The following ZPBP variants were observed in gnomAD, a reference collection of about 807,000 sequenced individuals.
The protein encoded by ZPBP is zona pellucida binding protein.
In ZPBP, 26 loss-of-function variants were observed where a neutral mutation model predicts 44.8. The ratio of observed to expected loss-of-function variants is 0.58; its 90% CI spans 0.43 to 0.81. The LOEUF (loss-of-function observed/expected upper bound fraction) is 0.81. Among genes scored for constraint, ZPBP ranks in the 30% least tolerant of loss-of-function variants. The pLI is 0.00. For missense variants in ZPBP, 409 were observed against 434.0 expected (o/e 0.94, Z 0.51); for synonymous variants, 174 against 153.2 (o/e 1.14, Z -1.00).
intron 3 of ZPBP, among the ~76,000 whole-genome samples, chr7:50,071,151 C>A (rs541877423): frequency 6.6e-6 from 1 of 152,182 alleles, no homozygotes; most frequent in African/African-American, 2.4e-5. Flanking sequence ...CCACCACCAA[C>A]CCCATGCCCC....
rs186224896 is a variant in ZPBP, at chr7:49,855,098, G to A, written n.510-4584C>T. Among the ~76,000 whole-genome samples, 5 of 152,288 alleles carry A rather than the reference G, an allele frequency of 3.3e-5. No homozygotes were observed. The East Asian group carries it at 9.6e-4, about 29-fold the overall frequency. Reference sequence around the variant, plus strand: ...AATAAATATTTTCCTTGGTACAGCTGTGAAGATAGAAATAAATGAGATTGT... The same window carrying A: ...AATAAATATTTTCCTTGGTACAGCTATGAAGATAGAAATAAATGAGATTGT... On this transcript the variant is annotated intron_variant and non_coding_transcript_variant, in intron 2 of 2. Transcript: ENST00000465922.
chr7:50,084,407 A>C (rs7785480), intron 2 of ZPBP, among the ~76,000 whole-genome samples: 18 of 151,928 alleles, frequency 1.2e-4, no homozygotes, highest in East Asian at 5.8e-4. Flanking sequence ...AACAGAATAA[A>C]CTAAAAGTTC....
intron 2 of ZPBP, among the ~76,000 whole-genome samples, chr7:49,891,597 C>A (rs1475438556): frequency 1.3e-5 from 2 of 152,024 alleles, no homozygotes; most frequent in Non-Finnish European, 2.9e-5. Context: ...CCGCCAGGGT[C>A]GATAAAATAT....
intron 3 of ZPBP, among the ~76,000 whole-genome samples, chr7:50,077,656 C>G (rs368463321): frequency 6.6e-6 from 1 of 151,832 alleles, no homozygotes; most frequent in Non-Finnish European, 1.5e-5. Context: ...CTCAACATCA[C>G]TAATCGTCAA....
intron 1 of ZPBP, among the ~76,000 whole-genome samples, chr7:49,911,755 G>A (rs1346805131): frequency 2.0e-5 from 3 of 151,628 alleles, no homozygotes; most frequent in African/African-American, 7.3e-5. Context: ...AAACTAGCTG[G>A]GTATAGTGGC....
At chr7:50,040,714 C>A (rs564772321) in intron 4 of ZPBP, among the ~76,000 whole-genome samples, 1 of 152,178 alleles carries the variant, frequency 6.6e-6, no homozygotes, top group Non-Finnish European at 1.5e-5. Context: ...GAGTTTCAAG[C>A]CCAAAACTTG....
At chr7:50,032,036 T>C (rs2128812332) in intron 4 of ZPBP, among the ~76,000 whole-genome samples, 1 of 152,298 alleles carries the variant, frequency 6.6e-6, no homozygotes, top group South Asian at 2.1e-4. Flanking sequence ...AAAAGCTTCC[T>C]GCACACACTG....
rs569006821 is a variant in ZPBP, at chr7:49,952,828, G to A, written c.962-15206C>T. Among the ~76,000 whole-genome samples, 6 of 151,954 alleles carry A rather than the reference G, an allele frequency of 3.9e-5. No individual in the cohort carries two copies. The East Asian group carries it at 5.8e-4, about 15-fold the overall frequency. On this transcript the variant is annotated intron_variant, in intron 7 of 7. Transcript: ENST00000046087. ...TGCAATCTGTAGAATCAATCTGCAC[G>A]TGTACCCCTGAATAAAAGTTAAAAA...
chr7:49,941,369 C>G (rs1418120317), intron 7 of ZPBP, among the ~76,000 whole-genome samples: 1 of 152,058 alleles, frequency 6.6e-6, no homozygotes, highest in Non-Finnish European at 1.5e-5. Flanking sequence ...TCACATTATT[C>G]ACAATGGCCA....
At chr7:50,021,704 C>A (rs1297697620) in intron 5 of ZPBP, among the ~76,000 whole-genome samples, 1 of 151,954 alleles carries the variant, frequency 6.6e-6, no homozygotes, top group Non-Finnish European at 1.5e-5. Flanking sequence ...CACACTGAGA[C>A]AAATTATAAT....
Position 50,032,735 on chromosome 7 carries a change from T to C in ZPBP, c.488-1425A>G, listed in dbSNP as rs549935496. The stretch of plus-strand genomic sequence containing the variant: ...TTCTGGGAGTCTGAGATTGTTGTAG[T>C]TGGTAGGCAAAAGTGCCTACAGAAC... On this transcript the variant is annotated intron_variant, in intron 4 of 7. Transcript: ENST00000046087. Among the ~76,000 whole-genome samples the C allele has an allele frequency of 1.2e-4, 19 of 152,356 alleles. No homozygotes were observed. In the South Asian group the frequency reaches 2.9e-3, roughly 23 times the overall value.
rs375460290 is a variant in ZPBP, at chr7:49,909,722, G to T, written n.412-8507C>A. ...TTGGAACTAAAATTTGGGAGTCATT[G>T]CCAGATGAATGATTGTTGGGTTCTC... is the stretch of plus-strand genomic sequence containing the variant. On this transcript the variant is annotated intron_variant and non_coding_transcript_variant, in intron 1 of 2. Transcript: ENST00000465922. Among the ~76,000 whole-genome samples, 461 of 152,320 alleles carry T rather than the reference G, an allele frequency of 3.0e-3. 28 individuals carry two copies. In the South Asian group the frequency reaches 0.091, roughly 30 times the overall value.
intron 6 of ZPBP, among the ~76,000 whole-genome samples, chr7:49,998,888 A>C (rs1797977333): frequency 6.6e-6 from 1 of 152,134 alleles, no homozygotes; most frequent in South Asian, 2.1e-4. Flanking sequence ...AGTGCACACC[A>C]CACACAAATG....
intron 2 of ZPBP, among the ~76,000 whole-genome samples, chr7:49,855,809 C>T (rs190740220): frequency 3.3e-5 from 5 of 152,272 alleles, no homozygotes; most frequent in South Asian, 2.1e-4. Context: ...AGCCAGGGGC[C>T]GGTGGCTGAC....
downstream of ZPBP, chr7:49,850,350 G>A (rs1790126785): frequency 6.6e-6 from 1 of 152,174 alleles, no homozygotes; most frequent in Admixed American, 6.5e-5. Context: ...TTCCATTGGT[G>A]AGTCCAAGAT....
rs1162569038 is a variant in ZPBP at position 50,065,248 on chromosome 7, C to T, written c.335-7107G>A. Among the ~76,000 whole-genome samples, 2 of 138,672 alleles carry T rather than the reference C, an allele frequency of 1.4e-5. 1 individual carries two copies. Among genetic ancestry groups the T allele is most frequent in the Non-Finnish European group, 3.2e-5 (2 of 62,240 alleles). The allele number at this position is 138,672 out of a possible 152,430, so 91.0% of individuals were successfully genotyped here. A position where few individuals can be genotyped will look rare whatever the true frequency, so the allele number is the denominator to read the frequency against. On this transcript the variant is annotated intron_variant, in intron 3 of 7. Transcript: ENST00000046087. ...GCTTGATTGTTTTTAACACACATGC[C>T]CTCATCCATTTAGCCAGCAGTTGCC...
At chr7:49,915,616 C>T (rs896522158) in intron 1 of ZPBP, 3 of 152,126 alleles carry the variant, frequency 2.0e-5, no homozygotes, top group Non-Finnish European at 4.4e-5. Flanking sequence ...AAAATATACA[C>T]TGTTTCAAAC....
rs1383728042 is a variant in ZPBP, at chr7:49,937,484, A to G, written c.*44T>C. The G allele has an allele frequency of 7.3e-7, 1 of 1,362,028 alleles. No homozygotes were observed. The allele number at this position is 1,362,028 out of a possible 1,614,324, so 84.4% of individuals were successfully genotyped here. A position where few individuals can be genotyped will look rare whatever the true frequency, so the allele number is the denominator to read the frequency against. Reference sequence around the variant, plus strand: ...TTTATTATGTTAATATTTCAAATATATACTTTGCATTTAATAAACCACTGA... The same window carrying G: ...TTTATTATGTTAATATTTCAAATATGTACTTTGCATTTAATAAACCACTGA... On this transcript the variant is annotated 3_prime_UTR_variant, in exon 8 of 8. Coordinates refer to ENST00000046087, the MANE Select transcript of ZPBP (RefSeq NM_007009.3).
rs1158059833 is a variant in ZPBP, at chr7:49,984,803, T to A, written c.784-1284A>T. 2.0e-5 allele frequency among the ~76,000 whole-genome samples: 3 copies of A among 152,198 alleles called. No homozygotes were observed. In the East Asian group the frequency reaches 5.8e-4, roughly 29 times the overall value. On this transcript the variant is annotated intron_variant, in intron 6 of 7. Coordinates refer to ENST00000046087, the MANE Select transcript of ZPBP (RefSeq NM_007009.3). ...ACATAAATAAATTTTCTATTTAGATTTGGGTTCCATCCCCATGATATCTCA... is the reference window on the plus strand; with the variant it reads ...ACATAAATAAATTTTCTATTTAGATATGGGTTCCATCCCCATGATATCTCA...
Sources: gnomAD v4.1 joint callset for allele counts (sites outside exome capture counted in the v4.1 genomes callset) on GRCh38, gnomAD v4.1.1 for gene constraint, MANE v1.5 for transcripts, NCBI Gene and HGNC (gene_info 2026-07-23, HGNC 2026-07-21) for gene names.